PDE8B: variants seen among roughly 807,000 people sequenced by gnomAD.
PDE8B encodes phosphodiesterase 8B.
PDE8B carries 26 observed loss-of-function variants against 101.3 expected under a neutral mutation model. That is an observed-to-expected ratio of 0.26 (90% CI 0.19 to 0.36). The LOEUF is 0.36. Ranked by LOEUF, PDE8B falls within the 10% of genes least tolerant of loss-of-function variation. PDE8B has a pLI of 1.00. For synonymous variants in PDE8B, 424 were observed against 429.3 expected, an observed-to-expected ratio of 0.99 and a Z score of 0.15; for missense variants, 810 against 1,163.1, an observed-to-expected ratio of 0.70 and a Z score of 4.42.
intron 10 of PDE8B, among the ~76,000 whole-genome samples, chr5:77,396,234 T>C (rs972500152): frequency 6.6e-6 from 1 of 152,232 alleles, no homozygotes; most frequent in Non-Finnish European, 1.5e-5. Flanking sequence ...TTCCCCCACA[T>C]TGACTACCTT....
chr5:77,308,850 T>C (rs1433354209), intron 1 of PDE8B, among the ~76,000 whole-genome samples: 1 of 152,110 alleles, frequency 6.6e-6, no homozygotes, highest in Non-Finnish European at 1.5e-5. Flanking sequence ...AGGTTAGCTG[T>C]ATCAACACTT....
chr5:77,413,524 T>C (rs934585295), intron 17 of PDE8B, among the ~76,000 whole-genome samples: 3 of 152,158 alleles, frequency 2.0e-5, no homozygotes, highest in Non-Finnish European at 2.9e-5. Flanking sequence ...AAAATAATTA[T>C]ATCACCATAG....
chr5:77,092,693 C>A, the PDE8B span, among the ~76,000 whole-genome samples: 1 of 151,984 alleles, frequency 6.6e-6, no homozygotes, highest in African/African-American at 2.4e-5. Flanking sequence ...CCAAAGCAGG[C>A]GGATTACTTG....
the PDE8B span, among the ~76,000 whole-genome samples, chr5:77,089,946 C>T: frequency 6.6e-6 from 1 of 152,258 alleles, no homozygotes; most frequent in African/African-American, 2.4e-5. Context: ...CACAATGGAA[C>T]ACTATTCAGC....
the PDE8B span, among the ~76,000 whole-genome samples, chr5:77,121,296 T>C: frequency 1.3e-5 from 2 of 152,224 alleles, no homozygotes; most frequent in East Asian, 3.9e-4. Context: ...CCAGTGTCCC[T>C]GCCACATGGG....
chr5:77,133,312 G>C, the PDE8B span, among the ~76,000 whole-genome samples: 1 of 152,228 alleles, frequency 6.6e-6, no homozygotes, highest in African/African-American at 2.4e-5. Context: ...GCCAAGCTCA[G>C]CCTGAATCAG....
At chr5:77,415,041 A>T (rs923499379) in intron 17 of PDE8B, among the ~76,000 whole-genome samples, 1 of 152,210 alleles carries the variant, frequency 6.6e-6, no homozygotes, top group Non-Finnish European at 1.5e-5. Flanking sequence ...AATAGAAACA[A>T]GTTTAAGATT....
the PDE8B span, among the ~76,000 whole-genome samples, chr5:77,183,450 A>C: frequency 1.3e-5 from 2 of 152,022 alleles, no homozygotes; most frequent in Non-Finnish European, 2.9e-5. Context: ...CAAATGGGAG[A>C]GCTGAGACTT....
chr5:77,216,639 A>G lies in PDE8B; in HGVS notation c.339+5375A>G, dbSNP rs576234593. Among the ~76,000 whole-genome samples the G allele has an allele frequency of 1.6e-4, 24 of 152,258 alleles. No individual in the cohort carries two copies. In the South Asian group the frequency reaches 4.6e-3, roughly 29 times the overall value. The stretch of plus-strand genomic sequence containing the variant: ...CAGGGTGGTTATGGGAAGCTGAGAA[A>G]CCAGGGTAGTTATGGGAATCTGAGA... On this transcript the variant is annotated intron_variant, in intron 1 of 21. Coordinates refer to ENST00000264917, the MANE Select transcript of PDE8B (RefSeq NM_003719.5).
rs1480322658 is a variant in PDE8B at position 77,211,704 on chromosome 5, G to A, written c.339+440G>A. On this transcript the variant is annotated intron_variant, in intron 1 of 21. Coordinates refer to ENST00000264917, the MANE Select transcript of PDE8B (RefSeq NM_003719.5). The surrounding 1 kb of genome is among the most constrained non-coding windows in gnomAD (Gnocchi z 4.1). ...TGCAGTTGCAGCACCAGGATAGATA[G>A]TGCCCCATATTCCGATTTTTACCTG... 6.6e-6 allele frequency among the ~76,000 whole-genome samples: 1 copy of A among 152,234 alleles called. No individual in the cohort carries two copies. Among genetic ancestry groups the A allele is most frequent in the East Asian group, 1.9e-4 (1 of 5,198 alleles).
the PDE8B span, among the ~76,000 whole-genome samples, chr5:77,201,574 A>C: frequency 6.6e-6 from 1 of 152,188 alleles, no homozygotes; most frequent in Non-Finnish European, 1.5e-5. Context: ...TTCCCTTGAT[A>C]GACAAAGCTT....
intron 1 of PDE8B, among the ~76,000 whole-genome samples, chr5:77,269,414 A>G (rs1762352039): frequency 6.6e-6 from 1 of 152,134 alleles, no homozygotes; most frequent in Non-Finnish European, 1.5e-5. Context: ...ATTTTCTCCC[A>G]TTCCGTGGGT....
chr5:77,259,031 AACACACACACACACACAGAC>A (rs1759813824), intron 1 of PDE8B, among the ~76,000 whole-genome samples: 1 of 134,252 alleles, frequency 7.4e-6, no homozygotes, highest in East Asian at 2.2e-4. Context: ...CCCTGCCTCC[AACACACACACACACACAGAC>A]ACACACACAC....
At chr5:77,127,026 C>A in the PDE8B span, among the ~76,000 whole-genome samples, 1 of 152,130 alleles carries the variant, frequency 6.6e-6, no homozygotes, top group Non-Finnish European at 1.5e-5. Context: ...GTTTTCTGAT[C>A]AAGGAAGGGT....
the PDE8B span, among the ~76,000 whole-genome samples, chr5:77,154,946 T>C: frequency 6.6e-6 from 1 of 152,140 alleles, no homozygotes; most frequent in Non-Finnish European, 1.5e-5. Context: ...TTAGTGATCA[T>C]TGAGTCTGGA....
the PDE8B span, among the ~76,000 whole-genome samples, chr5:77,203,394 G>C: frequency 6.6e-6 from 1 of 152,178 alleles, no homozygotes; most frequent in Non-Finnish European, 1.5e-5. Context: ...GTGTATGTCT[G>C]TGTTCCTAAC....
intron 1 of PDE8B, among the ~76,000 whole-genome samples, chr5:77,238,388 A>G (rs927525835): frequency 1.3e-5 from 2 of 152,044 alleles, no homozygotes; most frequent in Non-Finnish European, 2.9e-5. Context: ...TGGTTATTCT[A>G]TCCTTTAGTC....
At chr5:77,218,323 T>C (rs1750258568) in intron 1 of PDE8B, among the ~76,000 whole-genome samples, 1 of 152,240 alleles carries the variant, frequency 6.6e-6, no homozygotes, top group African/African-American at 2.4e-5. Flanking sequence ...TGATTTTCCC[T>C]GTTCTGCTAT....
chr5:77,410,003 G>T (rs933759839), intron 14 of PDE8B, among the ~76,000 whole-genome samples: 1 of 152,192 alleles, frequency 6.6e-6, no homozygotes, highest in Non-Finnish European at 1.5e-5. Flanking sequence ...GGTGGCCACC[G>T]CAGAGCTGCA....
Sources: allele counts gnomAD v4.1 joint callset (sites outside exome capture counted in the v4.1 genomes callset), GRCh38; gene constraint gnomAD v4.1.1; non-coding constraint Gnocchi (gnomAD v3.1); transcripts MANE v1.5; gene names NCBI Gene and HGNC (gene_info 2026-07-23, HGNC 2026-07-21).